SMARCA2: variants seen among roughly 807,000 people sequenced by gnomAD.
SMARCA2 encodes SWI/SNF related BAF chromatin remodeling complex subunit ATPase 2, also known as SWI/SNF-related matrix-associated actin-dependent regulator of chromatin subfamily A member 2.
In SMARCA2, 61 loss-of-function variants were observed where a neutral mutation model predicts 199.8. That is an observed-to-expected ratio of 0.31 (90% CI 0.25 to 0.38). The LOEUF (loss-of-function observed/expected upper bound fraction) is 0.38. Ranked by LOEUF, SMARCA2 falls within the 10% of genes least tolerant of loss-of-function variation. The pLI is 1.00. For missense variants in SMARCA2, 1,344 were observed against 2,012.2 expected, an observed-to-expected ratio of 0.67 and a Z score of 6.35; for synonymous variants, 935 against 732.0, an observed-to-expected ratio of 1.28 and a Z score of -4.48.
intron 28 of SMARCA2, among the ~76,000 whole-genome samples, chr9:2,168,210 C>T (rs542951701): frequency 6.6e-6 from 1 of 152,080 alleles, no homozygotes; most frequent in South Asian, 2.1e-4. Context: ...AGGGTTTTGC[C>T]ATGTTGGTCA....
chr9:2,082,306 GGTGTGTGTGTGTGTGT>G (rs3057852), intron 15 of SMARCA2, among the ~76,000 whole-genome samples: 110 of 121,858 alleles, frequency 9.0e-4, no homozygotes, highest in East Asian at 7.3e-4. Context: ...AAAGGGGAAA[GGTGTGTGTGTGTGTGT>G]GTGTGTGTGT....
intron 18 of SMARCA2, among the ~76,000 whole-genome samples, 187 bp from the exon 19 acceptor site, chr9:2,088,313 C>T (rs1452267021): frequency 6.6e-6 from 1 of 152,158 alleles, no homozygotes; most frequent in Non-Finnish European, 1.5e-5. Context: ...ATTTAGAGGT[C>T]ATTTTGTTAC....
chr9:2,019,496 CAAAA>C (rs57704949), intron 1 of SMARCA2, among the ~76,000 whole-genome samples: 1,607 of 81,822 alleles, frequency 0.02, 24 homozygotes, highest in African/African-American at 0.057. Flanking sequence ...TTAGAATTGA[CAAAA>C]AAAAAAAAAA....
At chr9:2,177,740 G>C (rs541771483) in intron 29 of SMARCA2, among the ~76,000 whole-genome samples, 2 of 152,058 alleles carry the variant, frequency 1.3e-5, no homozygotes, top group African/African-American at 4.8e-5. Context: ...TTAGTAGAGA[G>C]GGGGTTTCTC....
At chr9:2,153,581 A>G (rs1563807192) in intron 27 of SMARCA2, among the ~76,000 whole-genome samples, 1 of 152,230 alleles carries the variant, frequency 6.6e-6, no homozygotes, top group Non-Finnish European at 1.5e-5. Flanking sequence ...AGTTTTTTTA[A>G]TAGGGAAATG....
intron 27 of SMARCA2, chr9:2,159,881 C>T: frequency 6.2e-7 from 1 of 1,611,980 alleles, no homozygotes; most frequent in Non-Finnish European, 8.5e-7. Context: ...ACTGTGATTT[C>T]TGATAGCCGG....
chr9:2,122,835 G>C (rs1167926732), intron 26 of SMARCA2, among the ~76,000 whole-genome samples: 1 of 152,196 alleles, frequency 6.6e-6, no homozygotes, highest in African/African-American at 2.4e-5. Context: ...TATACATAAT[G>C]TCTGTGGATA....
intron 9 of SMARCA2, among the ~76,000 whole-genome samples, chr9:2,065,062 G>A (rs1475190592): frequency 3.3e-5 from 5 of 152,180 alleles, no homozygotes; most frequent in East Asian, 3.9e-4. Flanking sequence ...GCAGGCACCT[G>A]TAGTCCCAGC....
intron 17 of SMARCA2, chr9:2,085,627 A>T (rs1821768248): frequency 6.6e-6 from 1 of 152,022 alleles, no homozygotes; most frequent in Non-Finnish European, 1.5e-5. Context: ...GAGGTGGTGG[A>T]GGAAGGAAAA....
intron 27 of SMARCA2, among the ~76,000 whole-genome samples, chr9:2,143,790 T>C (rs1202989896): frequency 6.6e-6 from 1 of 152,164 alleles, no homozygotes; most frequent in African/African-American, 2.4e-5. Flanking sequence ...TGATGTTTGG[T>C]AGGACAGTGG....
At chr9:2,174,699 T>C (rs912262520) in intron 29 of SMARCA2, among the ~76,000 whole-genome samples, 2 of 151,944 alleles carry the variant, frequency 1.3e-5, no homozygotes, top group African/African-American at 2.4e-5. Context: ...GGCAAGCGGA[T>C]TGCTTCAGCT....
chr9:2,182,560 C>G (rs930950871), intron 31 of SMARCA2, among the ~76,000 whole-genome samples: 3 of 132,760 alleles, frequency 2.3e-5, no homozygotes, highest in African/African-American at 8.3e-5. Context: ...GTGGTGCCTT[C>G]TCGGCTCATG....
At position 2,070,400 on chromosome 9, in the gene SMARCA2, G is replaced by C; in HGVS notation, c.1693-18G>C. ...ATCATCTTGGTTACTTATAACATTCGACATTGTTGTTTTGCAGAAGGCTGA... is the reference window on the plus strand; with the variant it reads ...ATCATCTTGGTTACTTATAACATTCCACATTGTTGTTTTGCAGAAGGCTGA... On this transcript the variant is annotated intron_variant, in intron 9 of 33. Transcript: ENST00000349721. 6.2e-7 allele frequency: 1 copy of C among 1,611,770 alleles called. No individual in the cohort carries two copies. Among genetic ancestry groups the C allele is most frequent in the South Asian group, 1.1e-5 (1 of 90,976 alleles).
chr9:2,118,267 A>G (rs114392385), intron 25 of SMARCA2, among the ~76,000 whole-genome samples: 1,959 of 152,300 alleles, frequency 0.013, 33 homozygotes, highest in African/African-American at 0.044. Context: ...TATTTAGACA[A>G]ATTGACTTTA....
intron 9 of SMARCA2, among the ~76,000 whole-genome samples, chr9:2,064,847 TG>T (rs1241486934): frequency 6.6e-6 from 1 of 152,198 alleles, no homozygotes; most frequent in Admixed American, 6.5e-5. Flanking sequence ...CCTTAAGCTG[TG>T]GTTAGGAGCC....
At chr9:2,105,517 G>C (rs1335620746) in intron 23 of SMARCA2, among the ~76,000 whole-genome samples, 1 of 152,024 alleles carries the variant, frequency 6.6e-6, no homozygotes, top group East Asian at 1.9e-4. Flanking sequence ...GCCTCCCACA[G>C]TGTTGGGATT....
chr9:2,191,108 C>A (rs1827848086), intron 32 of SMARCA2, among the ~76,000 whole-genome samples, 158 bp from the exon 33 acceptor site: 1 of 152,154 alleles, frequency 6.6e-6, no homozygotes, highest in African/African-American at 2.4e-5. Context: ...AAAGGGGTCG[C>A]TGACTAGACA....
chr9:2,172,817 C>T (rs996077319), intron 29 of SMARCA2, among the ~76,000 whole-genome samples: 2 of 152,012 alleles, frequency 1.3e-5, no homozygotes. Flanking sequence ...ACCCAGGGAG[C>T]CGACATCAGC....
chr9:2,174,185 G>T (rs936255787), intron 29 of SMARCA2, among the ~76,000 whole-genome samples: 1 of 152,080 alleles, frequency 6.6e-6, no homozygotes, highest in Non-Finnish European at 1.5e-5. Flanking sequence ...TGCCTCTCAA[G>T]CTCCAGGCCA....
Sources: gnomAD v4.1 joint callset for allele counts (sites outside exome capture counted in the v4.1 genomes callset) on GRCh38, gnomAD v4.1.1 for gene constraint, MANE v1.5 for transcripts, NCBI Gene and HGNC (gene_info 2026-07-23, HGNC 2026-07-21) for gene names.